BCL7A: variants seen among roughly 807,000 people sequenced by gnomAD.
BCL7A encodes B-cell CLL/lymphoma 7 protein family member A.
BCL7A carries 11 observed loss-of-function variants against 28.4 expected under a neutral mutation model. The ratio of observed to expected loss-of-function variants is 0.39; its 90% CI spans 0.24 to 0.64. The LOEUF is 0.64. BCL7A is among the 30% of genes least tolerant of loss of function. BCL7A has a pLI of 0.50. For synonymous variants in BCL7A, 123 were observed against 103.3 expected (o/e 1.19, Z -1.15); for missense variants, 222 against 274.8 (o/e 0.81, Z 1.36).
chr12:122,056,509 A>G (rs991749898), intron 5 of BCL7A, among the ~76,000 whole-genome samples: 6 of 152,102 alleles, frequency 3.9e-5, no homozygotes, highest in African/African-American at 1.2e-4. Context: ...ATTTCAAGCA[A>G]TACGTTTTTG....
chr12:122,054,875 G>A lies in BCL7A; in HGVS notation c.510G>A (p.Arg170=). ...TGAACAGCTCAGAGAAAGTAGATCG[G>A]CAGCCGTCTGGAGACTCGGGTCTGG... is the stretch of plus-strand genomic sequence containing the variant. ...HSMNSSEKVD[R]QPSGDSGLAA... is the part of the protein sequence containing the mutation. The change falls in exon 5 of 6, where the codon CGG becomes CGA. Residue 170 remains arginine, a synonymous_variant. Coordinates refer to ENST00000261822, the MANE Select transcript of BCL7A (RefSeq NM_001024808.3). The A allele has an allele frequency of 6.2e-7, 1 of 1,614,216 alleles. No homozygotes were observed. The highest frequency in any genetic ancestry group is 8.5e-7 in the Non-Finnish European group (1 of 1,180,044).
In BCL7A at chr12:122,061,544, C is replaced by T. The variant is rs901948664; in HGVS notation, c.*2381C>T. On this transcript the variant is annotated 3_prime_UTR_variant, in exon 6 of 6. Coordinates refer to ENST00000261822, the MANE Select transcript of BCL7A (RefSeq NM_001024808.3). Reference sequence around the variant, plus strand: ...TTCCTTCCCTGGCGCAGTCGCTCCTCGAGCCGCTGCCCCCCACCCACCCTG... The same window carrying T: ...TTCCTTCCCTGGCGCAGTCGCTCCTTGAGCCGCTGCCCCCCACCCACCCTG... 2 of 230,832 alleles carry T rather than the reference C, an allele frequency of 8.7e-6. No homozygotes were observed. The highest frequency in any genetic ancestry group is 6.1e-5 in the East Asian group (1 of 16,330). 14.3% of individuals were successfully genotyped at this position (230,832 alleles called of 1,614,324 possible). A position where few individuals can be genotyped will look rare whatever the true frequency, so the allele number is the denominator to read the frequency against.
intron 5 of BCL7A, among the ~76,000 whole-genome samples, chr12:122,057,570 C>T (rs1951887770): frequency 6.6e-6 from 1 of 152,024 alleles, no homozygotes; most frequent in Non-Finnish European, 1.5e-5. Context: ...CAGGGGGTGT[C>T]CAGGCCTGGG....
At chr12:122,056,777 G>T (rs1951881006) in intron 5 of BCL7A, among the ~76,000 whole-genome samples, 1 of 152,134 alleles carries the variant, frequency 6.6e-6, no homozygotes, top group African/African-American at 2.4e-5. Flanking sequence ...TTGCCCTCCA[G>T]CCTGGGTGAC....
At chr12:122,043,454 G>A (rs184790396) in intron 3 of BCL7A, among the ~76,000 whole-genome samples, 2 of 151,902 alleles carry the variant, frequency 1.3e-5, no homozygotes, top group African/African-American at 4.8e-5. Flanking sequence ...GGGGTCCCAG[G>A]AGGAGGCGTA....
chr12:122,030,854 T>C (rs1473332071), intron 2 of BCL7A, 73 bp downstream of exon 2: 2 of 1,449,742 alleles, frequency 1.4e-6, no homozygotes, highest in Non-Finnish European at 9.7e-7. Flanking sequence ...AGGGAGATTG[T>C]CCACTGCTAC....
At chr12:122,032,591 A>G (rs1024348120) in intron 2 of BCL7A, among the ~76,000 whole-genome samples, 11 of 152,208 alleles carry the variant, frequency 7.2e-5, no homozygotes, top group Non-Finnish European at 1.2e-4. Context: ...TCTAGGCTTC[A>G]AGGGACCGTT....
intron 5 of BCL7A, among the ~76,000 whole-genome samples, chr12:122,056,924 A>G (rs1951882351): frequency 6.6e-6 from 1 of 152,218 alleles, no homozygotes; most frequent in Non-Finnish European, 1.5e-5. Context: ...CTGCAAGTCC[A>G]TCGCATGTCC....
chr12:122,025,984 A>AAAAGGCCG (rs1336899486), intron 1 of BCL7A, among the ~76,000 whole-genome samples: 7 of 150,124 alleles, frequency 4.7e-5, no homozygotes, highest in Non-Finnish European at 8.9e-5. Context: ...AAGAAAAGAG[A>AAAAGGCCG]AAAGGCCGGG....
At position 122,029,212 on chromosome 12, in the gene BCL7A, C is replaced by T. The variant is rs939877368; in HGVS notation, c.93-1488C>T. Among the ~76,000 whole-genome samples, 2 of 152,132 alleles carry T rather than the reference C, an allele frequency of 1.3e-5. No individual in the cohort carries two copies. The highest frequency in any genetic ancestry group is 2.1e-4 in the South Asian group (1 of 4,836). On this transcript the variant is annotated intron_variant, in intron 1 of 5. Coordinates refer to ENST00000261822, the MANE Select transcript of BCL7A (RefSeq NM_001024808.3). The surrounding 1 kb of genome is among the most constrained non-coding windows in gnomAD (Gnocchi z 4.3). ...GGCACAGTCCTTGGTACATAGAAGG[C>T]GCTAGGAATGGCCACTGGTATAATA... is the stretch of plus-strand genomic sequence containing the variant.
At chr12:122,043,094 T>C (rs555846158) in intron 3 of BCL7A, among the ~76,000 whole-genome samples, 1 of 151,778 alleles carries the variant, frequency 6.6e-6, no homozygotes, top group East Asian at 1.9e-4. Context: ...TGTCTCTCTC[T>C]CCCTTTTATT....
intron 4 of BCL7A, among the ~76,000 whole-genome samples, chr12:122,049,957 T>C (rs1884156913): frequency 6.6e-6 from 1 of 152,052 alleles, no homozygotes; most frequent in African/African-American, 2.4e-5. Flanking sequence ...TCAGCACCCC[T>C]GGCATTTGGA....
Position 122,059,286 on chromosome 12 carries a change from C to A in BCL7A, c.*123C>A, listed in dbSNP as rs1283302021. The A allele has an allele frequency of 7.8e-6, 7 of 901,578 alleles. No homozygotes were observed. Among genetic ancestry groups the A allele is most frequent in the South Asian group, 6.5e-5 (4 of 61,304 alleles). The allele number at this position is 901,578 out of a possible 1,614,324, so 55.8% of individuals were successfully genotyped here. On this transcript the variant is annotated 3_prime_UTR_variant, in exon 6 of 6. Transcript: ENST00000261822. The surrounding 1 kb of genome is among the most constrained non-coding windows in gnomAD (Gnocchi z 4.0). ...AGAACTACTAACGTTTCAAGTTTACCAAGTGCAAATCCAAGAAGACCCAGA... is the reference window on the plus strand; with the variant it reads ...AGAACTACTAACGTTTCAAGTTTACAAAGTGCAAATCCAAGAAGACCCAGA...
At chr12:122,052,868 CGGGG>C (rs58536708) in intron 4 of BCL7A, among the ~76,000 whole-genome samples, 598 of 29,190 alleles carry the variant, frequency 0.02, 14 homozygotes, top group African/African-American at 0.093. Flanking sequence ...TTTTTTTAGT[CGGGG>C]GGGGGGGGGG....
rs1951923180 is a variant in BCL7A, at chr12:122,061,560, A to ACCCCCCCCCCCCCCC, written c.*2400_*2401insCCCCCCCCCCCCCCC. On this transcript the variant is annotated 3_prime_UTR_variant, in exon 6 of 6. Coordinates refer to ENST00000261822, the MANE Select transcript of BCL7A (RefSeq NM_001024808.3). The stretch of plus-strand genomic sequence containing the variant: ...GTCGCTCCTCGAGCCGCTGCCCCCC[A>ACCCCCCCCCCCCCCC]CCCACCCTGCACCCCTCGCCCTCCC... 1.4e-5 allele frequency: 1 copy of ACCCCCCCCCCCCCCC among 72,780 alleles called. No homozygotes were observed. The highest frequency in any genetic ancestry group is 2.8e-5 in the Non-Finnish European group (1 of 35,676). The allele number at this position is 72,780 out of a possible 1,614,324, so 4.5% of individuals were successfully genotyped here.
chr12:122,055,074 C>G, intron 5 of BCL7A, 148 bp downstream of exon 5: 2 of 1,489,862 alleles, frequency 1.3e-6, no homozygotes, highest in East Asian at 4.5e-5. Context: ...GGGCTATGTC[C>G]ATGAACACAG....
At chr12:122,043,821 T>C (rs1283414455) in intron 3 of BCL7A, 65 bp from the exon 4 acceptor site, 3 of 1,515,196 alleles carry the variant, frequency 2.0e-6, no homozygotes, top group African/African-American at 1.4e-5. Flanking sequence ...TGCTGAGCCC[T>C]CTGACCTACC....
chr12:122,049,142 G>C (rs771281814), intron 4 of BCL7A, among the ~76,000 whole-genome samples: 7 of 146,382 alleles, frequency 4.8e-5, no homozygotes, highest in Non-Finnish European at 7.5e-5. Flanking sequence ...TAGGAAGATT[G>C]CTTGAGCCTG....
In BCL7A at chr12:122,060,065, C is replaced by T. The variant is rs1019398727; in HGVS notation, c.*902C>T. The stretch of plus-strand genomic sequence containing the variant: ...ACGAAATGGCTTCTCTGGCTGACTG[C>T]AAGGCTGTCTCCTTAAGGCACTGAG... On this transcript the variant is annotated 3_prime_UTR_variant, in exon 6 of 6. Transcript: ENST00000261822. 10 of 233,280 alleles carry T rather than the reference C, an allele frequency of 4.3e-5. No homozygotes were observed. Among genetic ancestry groups the T allele is most frequent in the Non-Finnish European group, 6.8e-5 (8 of 117,916 alleles). The allele number at this position is 233,280 out of a possible 1,614,324, so 14.5% of individuals were successfully genotyped here.
Sources: allele counts gnomAD v4.1 joint callset (sites outside exome capture counted in the v4.1 genomes callset), GRCh38; gene constraint gnomAD v4.1.1; non-coding constraint Gnocchi (gnomAD v3.1); transcripts MANE v1.5; gene names NCBI Gene and HGNC (gene_info 2026-07-23, HGNC 2026-07-21).